Variants in CDH4 observed in about 807,000 individuals in gnomAD.
The protein encoded by CDH4 is cadherin-4.
A neutral mutation model predicts 86.0 loss-of-function variants in CDH4; 33 were observed. The ratio of observed to expected loss-of-function variants is 0.38; its 90% confidence interval spans 0.29 to 0.51. The LOEUF is 0.51. Among genes scored for constraint, CDH4 ranks in the 20% least tolerant of loss-of-function variants. CDH4 has a pLI of 0.86. For missense variants in CDH4, 1,114 were observed against 1,307.4 expected, an observed-to-expected ratio of 0.85 and a Z score of 2.28; for synonymous variants, 555 against 549.4, an observed-to-expected ratio of 1.01 and a Z score of -0.14.
chr20:61,705,644 G>A (rs1021317909), intron 2 of CDH4, among the ~76,000 whole-genome samples: 11 of 151,912 alleles, frequency 7.2e-5, no homozygotes, highest in Admixed American at 1.3e-4. Flanking sequence ...GGGTGGGAGC[G>A]TGTAGAAAAG....
chr20:61,769,731 A>G (rs756752503), intron 3 of CDH4, among the ~76,000 whole-genome samples: 2 of 152,192 alleles, frequency 1.3e-5, no homozygotes, highest in Non-Finnish European at 2.9e-5. Context: ...TACCTGGAAC[A>G]GCATTTGGCC....
intron 2 of CDH4, among the ~76,000 whole-genome samples, chr20:61,666,232 C>T (rs909660249): frequency 3.3e-5 from 5 of 152,220 alleles, no homozygotes; most frequent in Admixed American, 6.5e-5. Flanking sequence ...TGTCCAACAG[C>T]AGTCATGCCT....
intron 4 of CDH4, among the ~76,000 whole-genome samples, chr20:61,840,396 T>C (rs565975579): frequency 1.4e-4 from 22 of 152,348 alleles, no homozygotes; most frequent in Non-Finnish European, 2.6e-4. Flanking sequence ...CAGTTTCAAG[T>C]TCATTTGAAA....
At chr20:61,478,300 G>A (rs1568859299) in intron 2 of CDH4, among the ~76,000 whole-genome samples, 1 of 152,150 alleles carries the variant, frequency 6.6e-6, no homozygotes, top group Non-Finnish European at 1.5e-5. Context: ...GCAGCACCAG[G>A]AGGCCCGTCT....
intron 2 of CDH4, among the ~76,000 whole-genome samples, chr20:61,307,908 A>T (rs528164842): frequency 6.6e-5 from 10 of 152,258 alleles, no homozygotes; most frequent in African/African-American, 2.4e-4. Flanking sequence ...GCCAGGCTTG[A>T]TTTGTCCAGT....
intron 2 of CDH4, among the ~76,000 whole-genome samples, chr20:61,433,481 A>G (rs575310110): frequency 5.2e-4 from 78 of 149,786 alleles, no homozygotes; most frequent in African/African-American, 1.7e-3. Context: ...GCATTTTCCT[A>G]TGAATTTTAG....
At chr20:61,753,372 A>C (rs750070389) in intron 3 of CDH4, among the ~76,000 whole-genome samples, 7 of 152,218 alleles carry the variant, frequency 4.6e-5, no homozygotes, top group Non-Finnish European at 8.8e-5. Flanking sequence ...AACCATAAAA[A>C]TTTGGCAACT....
chr20:61,870,093 G>A (rs1357717183), intron 6 of CDH4, among the ~76,000 whole-genome samples: 1 of 152,220 alleles, frequency 6.6e-6, no homozygotes, highest in Non-Finnish European at 1.5e-5. Context: ...TAACCCTGAG[G>A]TGCTGGGAGT....
intron 2 of CDH4, among the ~76,000 whole-genome samples, chr20:61,695,984 C>G (rs901468408): frequency 6.6e-6 from 1 of 152,206 alleles, no homozygotes; most frequent in African/African-American, 2.4e-5. Flanking sequence ...GCTCCTCTTC[C>G]ATGAGGCCCC....
intron 2 of CDH4, among the ~76,000 whole-genome samples, chr20:61,692,853 G>A (rs1161995874): frequency 7.7e-6 from 1 of 129,834 alleles, no homozygotes; most frequent in South Asian, 2.4e-4. Context: ...TTTTTTTTTT[G>A]CAAATGCTAG....
chr20:61,746,063 C>T (rs1342739259), intron 3 of CDH4, among the ~76,000 whole-genome samples: 4 of 152,016 alleles, frequency 2.6e-5, no homozygotes, highest in African/African-American at 9.7e-5. Flanking sequence ...AGGCTCAGCG[C>T]ACCCTGGGGA....
intron 6 of CDH4, among the ~76,000 whole-genome samples, chr20:61,862,559 C>T (rs1459932652): frequency 2.0e-5 from 3 of 152,210 alleles, no homozygotes; most frequent in African/African-American, 7.2e-5. Flanking sequence ...AGCCAGCCTG[C>T]CATCCGTACT....
At chr20:61,521,353 C>T (rs765060045) in intron 2 of CDH4, among the ~76,000 whole-genome samples, 8 of 152,194 alleles carry the variant, frequency 5.3e-5, no homozygotes, top group African/African-American at 1.4e-4. Flanking sequence ...AAATGCATCA[C>T]TTGGGGAGTA....
rs116158335 is a variant in CDH4, at chr20:61,514,794, G to A, written c.170-228769G>A. Among the ~76,000 whole-genome samples, 1,445 of 152,344 alleles carry A rather than the reference G, an allele frequency of 9.5e-3. 24 individuals are homozygous for A. The highest frequency in any genetic ancestry group is 0.031 in the African/African-American group (1,288 of 41,574). On this transcript the variant is annotated intron_variant, in intron 2 of 15. Coordinates refer to ENST00000614565, the MANE Select transcript of CDH4 (RefSeq NM_001794.5). ...AAAACACAGATTGAATGTGGGCCTC[G>A]ATATTCATTGTCTCAAGAACAGCTC... is the stretch of plus-strand genomic sequence containing the variant.
intron 3 of CDH4, among the ~76,000 whole-genome samples, chr20:61,758,247 G>A (rs189147387): frequency 5.5e-4 from 84 of 152,258 alleles, no homozygotes; most frequent in African/African-American, 1.7e-3. Context: ...GAAGCCAGCC[G>A]TGAAAAAATT....
chr20:61,906,855 C>T (rs1286270448), intron 8 of CDH4, among the ~76,000 whole-genome samples: 1 of 152,002 alleles, frequency 6.6e-6, no homozygotes, highest in Non-Finnish European at 1.5e-5. Flanking sequence ...GCCAGAGCAG[C>T]GTCTGTGTGT....
intron 11 of CDH4, among the ~76,000 whole-genome samples, chr20:61,926,994 C>CCG (rs397699407): frequency 6.6e-6 from 1 of 152,200 alleles, no homozygotes; most frequent in Non-Finnish European, 1.5e-5. Context: ...AGGAGCCCCC[C>CCG]GGTTAACAGA....
chr20:61,639,655 C>A (rs1393596093), intron 2 of CDH4, among the ~76,000 whole-genome samples: 1 of 152,172 alleles, frequency 6.6e-6, no homozygotes, highest in African/African-American at 2.4e-5. Context: ...GGCCCTGACT[C>A]TGCATGGTTT....
intron 2 of CDH4, among the ~76,000 whole-genome samples, chr20:61,359,132 A>G (rs1010470965): frequency 6.6e-6 from 1 of 152,162 alleles, no homozygotes; most frequent in Non-Finnish European, 1.5e-5. Flanking sequence ...ACTCATGGGA[A>G]GTTTCGGTGT....
Sources: gnomAD v4.1 joint callset for allele counts (sites outside exome capture counted in the v4.1 genomes callset) on GRCh38, gnomAD v4.1.1 for gene constraint, MANE v1.5 for transcripts, NCBI Gene and HGNC (gene_info 2026-07-23, HGNC 2026-07-21) for gene names.